Variants in CD5L observed in about 807,000 individuals in gnomAD.
CD5L encodes CD5 antigen-like.
A neutral mutation model predicts 40.8 loss-of-function variants in CD5L; 39 were observed. The observed-to-expected ratio is 0.96, with a 90% CI of 0.74 to 1.25. The LOEUF (loss-of-function observed/expected upper bound fraction) is 1.25, where lower values mean the gene tolerates loss of function less well. CD5L is among the 50% of genes most tolerant of loss of function. The probability of loss-of-function intolerance (pLI) is 0.00; values close to 1 mark genes in which losing one functional copy is unlikely to be tolerated. For missense variants in CD5L, 433 were observed against 435.9 expected, an observed-to-expected ratio of 0.99 and a Z score of 0.06; for synonymous variants, 192 against 169.6, an observed-to-expected ratio of 1.13 and a Z score of -1.03.
chr1:157,841,204 T>A (rs1656361198), intron 1 of CD5L, among the ~76,000 whole-genome samples: 1 of 152,174 alleles, frequency 6.6e-6, no homozygotes, highest in African/African-American at 2.4e-5. Context: ...CCAGATTAAC[T>A]AGGTTAATCT....
At chr1:157,834,155 G>A (rs1656126615) in intron 4 of CD5L, among the ~76,000 whole-genome samples, 1 of 152,144 alleles carries the variant, frequency 6.6e-6, no homozygotes, top group Non-Finnish European at 1.5e-5. Context: ...GATGTACCTT[G>A]TTCCTACAAT....
chr1:157,827,245 C>A (rs947353205), downstream of CD5L, among the ~76,000 whole-genome samples: 1 of 149,388 alleles, frequency 6.7e-6, no homozygotes, highest in South Asian at 2.1e-4. Flanking sequence ...CAGAGTTCTT[C>A]AGAGAAACAG....
Position 157,834,389 on chromosome 1 carries a change from T to C in CD5L, c.718+18A>G, listed in dbSNP as rs758161458. ...TAAATCCATGAATAAACCTAGTCTTTGGACGCACAGGCATTACCTTCACAT... is the reference window on the plus strand; with the variant it reads ...TAAATCCATGAATAAACCTAGTCTTCGGACGCACAGGCATTACCTTCACAT... On this transcript the variant is annotated intron_variant, in intron 4 of 5. Coordinates refer to ENST00000368174, the MANE Select transcript of CD5L (RefSeq NM_005894.3). The C allele has an allele frequency of 1.7e-5, 27 of 1,590,314 alleles. No homozygotes were observed. The South Asian group carries it at 2.7e-4, about 16-fold the overall frequency.
At chr1:157,834,830 A>C in intron 3 of CD5L, 82 bp from the exon 4 acceptor site, 325 of 1,076,094 alleles carry the variant, frequency 3.0e-4, no homozygotes, top group Non-Finnish European at 4.1e-4. Flanking sequence ...GACACATCTC[A>C]CAGTTCTTGG....
rs202210581 is a variant in CD5L at position 157,833,522 on chromosome 1, G to A, written c.719-10C>T. 2.6e-5 allele frequency: 42 copies of A among 1,591,376 alleles called. No individual in the cohort carries two copies. The highest frequency in any genetic ancestry group is 1.3e-5 in the African/African-American group (1 of 74,476). The stretch of plus-strand genomic sequence containing the variant: ...CTCAAGTCAAAGGGATCTGCAGGAT[G>A]GGGGAGGAAGTCAGGGGTTGGAGAC... On this transcript the variant is annotated splice_polypyrimidine_tract_variant and intron_variant, in intron 4 of 5. Transcript: ENST00000368174.
At chr1:157,830,888 G>C (rs1656028524), downstream of CD5L, 4 of 924,052 alleles carry the variant, frequency 4.3e-6, no homozygotes, top group Non-Finnish European at 3.9e-6. Flanking sequence ...TGGGCAGAAA[G>C]AGCATATCAC....
intron 3 of CD5L, 50 bp downstream of exon 3, chr1:157,835,785 G>C: frequency 6.7e-7 from 1 of 1,481,568 alleles, no homozygotes; most frequent in South Asian, 1.2e-5. Flanking sequence ...AAGAGTGGCC[G>C]TGAGGGGTAT....
At chr1:157,833,794 G>T (rs532197574) in intron 4 of CD5L, among the ~76,000 whole-genome samples, 157 of 122,580 alleles carry the variant, frequency 1.3e-3, no homozygotes, top group African/African-American at 4.8e-3. Flanking sequence ...TTTTTTTTAA[G>T]AGACAGGGTT....
chr1:157,832,029 T>C (rs1314598797), intron 5 of CD5L, 61 bp from the exon 6 acceptor site: 1 of 1,315,398 alleles, frequency 7.6e-7, no homozygotes. Context: ...AATTATTCAG[T>C]TGAAACTCAC....
rs572252685 is a variant in CD5L at position 157,831,933 on chromosome 1, CA to C, written c.*30del. On this transcript the variant is annotated 3_prime_UTR_variant, in exon 6 of 6. Transcript: ENST00000368174. Reference sequence around the variant, plus strand: ...AGAACAAGCAGAGGGCAGGCGGGGCCAGGGGGGCCAGGTCAAGCAACACCAG... The same window carrying C: ...AGAACAAGCAGAGGGCAGGCGGGGCCGGGGGGCCAGGTCAAGCAACACCAG... 143 of 1,566,674 alleles carry C rather than the reference CA, an allele frequency of 9.1e-5. 2 individuals carry two copies. In the South Asian group the frequency reaches 1.6e-3, roughly 18 times the overall value.
At chr1:157,830,296 G>A (rs1656012215), downstream of CD5L, among the ~76,000 whole-genome samples, 1 of 152,042 alleles carries the variant, frequency 6.6e-6, no homozygotes, top group Non-Finnish European at 1.5e-5. Flanking sequence ...ATTTCCTTAG[G>A]GACTCTTTTC....
downstream of CD5L, among the ~76,000 whole-genome samples, chr1:157,830,691 T>A (rs773075703): frequency 6.6e-5 from 10 of 152,316 alleles, no homozygotes; most frequent in Non-Finnish European, 1.5e-4. Flanking sequence ...ATCAGAAGTG[T>A]GTTAGCCTGA....
chr1:157,833,391 C>T lies in CD5L; in HGVS notation c.840G>A (p.Val280=), dbSNP rs770735480. The T allele has an allele frequency of 3.1e-6, 5 of 1,614,046 alleles. No individual in the cohort carries two copies. The highest frequency in any genetic ancestry group is 8.5e-7 in the Non-Finnish European group (1 of 1,180,002). ...DDNWGEKEDQ[V]VCKQLGCGKS... ...TCCCACAGCCCAGTTGCTTGCATACCACCTGGTCCTCCTTTTCTCCCCAGT... is the reference window on the plus strand; with the variant it reads ...TCCCACAGCCCAGTTGCTTGCATACTACCTGGTCCTCCTTTTCTCCCCAGT... The change falls in exon 5 of 6, where the codon GTG becomes GTA. Residue 280 remains valine (V), a synonymous_variant. Coordinates refer to ENST00000368174, the MANE Select transcript of CD5L (RefSeq NM_005894.3).
downstream of CD5L, among the ~76,000 whole-genome samples, chr1:157,827,975 C>T (rs1378464812): frequency 2.6e-5 from 4 of 152,172 alleles, no homozygotes; most frequent in Non-Finnish European, 5.9e-5. Context: ...CCTCATGTTC[C>T]ATTTTCTTCC....
In CD5L at chr1:157,831,070, A is replaced by G; in HGVS notation, c.*894T>C. On this transcript the variant is annotated 3_prime_UTR_variant, in exon 6 of 6. Coordinates refer to ENST00000368174, the MANE Select transcript of CD5L (RefSeq NM_005894.3). ...TCTTGCCTCAAGCTTACAGGCCCCA[A>G]AGTCTCAGTTGATAAAGTGAAAATG... The G allele has an allele frequency of 3.0e-6, 3 of 985,326 alleles. No homozygotes were observed. The highest frequency in any genetic ancestry group is 3.6e-6 in the Non-Finnish European group (3 of 829,916). 61.0% of individuals were successfully genotyped at this position (985,326 alleles called of 1,614,324 possible).
In CD5L at chr1:157,841,683, A is replaced by T; in HGVS notation, c.19T>A (p.Leu7Met). ...GTGCAGAGATACTCACCAAGGATCA[A>T]GGAGAATAGCAGAGCCATGACCAAG... is the stretch of plus-strand genomic sequence containing the variant. MALLFSLILAICTRPGF... is the reference protein window; with the variant it reads MALLFSMILAICTRPGF... Residue 7 changes from leucine (L) to methionine (M), a missense_variant, in exon 1 of 6, where the codon TTG becomes ATG. Transcript: ENST00000368174. 6.2e-7 allele frequency: 1 copy of T among 1,613,342 alleles called. No homozygotes were observed. The highest frequency in any genetic ancestry group is 8.5e-7 in the Non-Finnish European group (1 of 1,179,698).
intron 2 of CD5L, among the ~76,000 whole-genome samples, chr1:157,836,729 G>A (rs1001039610): frequency 6.6e-6 from 1 of 152,182 alleles, no homozygotes; most frequent in African/African-American, 2.4e-5. Flanking sequence ...CTCACTCTCA[G>A]TGGCCAATCC....
At chr1:157,838,832 C>T (rs1337933629) in intron 2 of CD5L, among the ~76,000 whole-genome samples, 1 of 152,136 alleles carries the variant, frequency 6.6e-6, no homozygotes, top group Non-Finnish European at 1.5e-5. Flanking sequence ...TGATAATCCA[C>T]AACCCATAGC....
At chr1:157,840,240 A>G (rs1307980447) in intron 1 of CD5L, among the ~76,000 whole-genome samples, 2 of 152,110 alleles carry the variant, frequency 1.3e-5, no homozygotes, top group Admixed American at 6.6e-5. Flanking sequence ...TCTTTAAAAC[A>G]TGGGGGTTTC....
Sources: allele counts gnomAD v4.1 joint callset (sites outside exome capture counted in the v4.1 genomes callset), GRCh38; gene constraint gnomAD v4.1.1; transcripts MANE v1.5; gene names NCBI Gene and HGNC (gene_info 2026-07-23, HGNC 2026-07-21).